FYB2: variants seen among roughly 807,000 people sequenced by gnomAD.
FYB2 encodes FYN-binding protein 2.
Under a neutral mutation model 94.1 loss-of-function variants are expected in FYB2, and 103 were observed. The ratio of observed to expected loss-of-function variants is 1.09; its 90% CI spans 0.93 to 1.29. FYB2 has a LOEUF of 1.29. Among genes scored for constraint, FYB2 ranks in the 50% most tolerant of loss-of-function variants. FYB2 has a pLI of 0.00. For synonymous variants in FYB2, 293 were observed against 287.9 expected, an observed-to-expected ratio of 1.02 and a Z score of -0.18; for missense variants, 896 against 841.5, an observed-to-expected ratio of 1.06 and a Z score of -0.80.
intron 5 of FYB2, among the ~76,000 whole-genome samples, chr1:56,758,967 C>T (rs1343473673): frequency 2.6e-5 from 4 of 151,996 alleles, no homozygotes; most frequent in Non-Finnish European, 2.9e-5. Context: ...AATTTACAGT[C>T]GATGAAGCAT....
upstream of FYB2, chr1:56,819,438 C>CAGATGGGG: frequency 1.7e-6 from 2 of 1,143,072 alleles, no homozygotes; most frequent in Non-Finnish European, 2.5e-6. Flanking sequence ...CCCACCTGCC[C>CAGATGGGG]CATCTGGGCC....
At chr1:56,737,272 T>C (rs1008167361) in intron 14 of FYB2, 125 bp from the exon 15 acceptor site, 4 of 597,488 alleles carry the variant, frequency 6.7e-6, no homozygotes, top group African/African-American at 1.9e-5. Context: ...TAGCAAAATC[T>C]GATCATAAAA....
At chr1:56,745,654 A>C (rs1645051289) in intron 9 of FYB2, among the ~76,000 whole-genome samples, 1 of 151,944 alleles carries the variant, frequency 6.6e-6, no homozygotes, top group Non-Finnish European at 1.5e-5. Context: ...GGTCTCCCCG[A>C]TTTATCTCAC....
At chr1:56,743,599 T>C (rs1448500210) in intron 11 of FYB2, among the ~76,000 whole-genome samples, 3 of 152,020 alleles carry the variant, frequency 2.0e-5, no homozygotes, top group African/African-American at 4.8e-5. Context: ...TCAGCATAAC[T>C]GGGTCTCAAA....
chr1:56,735,823 C>G (rs1385035987), intron 15 of FYB2, among the ~76,000 whole-genome samples: 2 of 152,114 alleles, frequency 1.3e-5, no homozygotes, highest in Admixed American at 1.3e-4. Context: ...GTCAATTAAG[C>G]TTCTTTCCTT....
At chr1:56,803,518 T>C (rs1298702596) in intron 1 of FYB2, among the ~76,000 whole-genome samples, 2 of 152,268 alleles carry the variant, frequency 1.3e-5, no homozygotes, top group African/African-American at 2.4e-5. Flanking sequence ...TTCTGCTACT[T>C]AGATTTTTGC....
chr1:56,792,856 C>T, intron 1 of FYB2, 53 bp from the exon 2 acceptor site: 4 of 1,509,424 alleles, frequency 2.7e-6, no homozygotes, highest in Non-Finnish European at 2.7e-6. Context: ...AAACAAACAA[C>T]AACAACAAAA....
chr1:56,728,437 AG>A (rs1329938529), intron 15 of FYB2, among the ~76,000 whole-genome samples: 1 of 152,154 alleles, frequency 6.6e-6, no homozygotes, highest in Non-Finnish European at 1.5e-5. Context: ...TGAAAGCCAC[AG>A]TCCCTACCTC....
At chr1:56,746,260 G>C (rs114212437) in intron 9 of FYB2, among the ~76,000 whole-genome samples, 2 of 151,886 alleles carry the variant, frequency 1.3e-5, no homozygotes, top group Admixed American at 1.3e-4. Context: ...TTTGAATTTC[G>C]AATGATTTGA....
chr1:56,792,919 AT>A, intron 1 of FYB2, 116 bp from the exon 2 acceptor site: 1 of 1,101,074 alleles, frequency 9.1e-7, no homozygotes, highest in Non-Finnish European at 1.3e-6. Flanking sequence ...GATCTCACTG[AT>A]CTCACCATGT....
chr1:56,821,462 G>A (rs1444383357), upstream of FYB2, among the ~76,000 whole-genome samples: 2 of 152,180 alleles, frequency 1.3e-5, no homozygotes, highest in African/African-American at 4.8e-5. Flanking sequence ...GATCCTCTAG[G>A]TGCTAAACTC....
upstream of FYB2, chr1:56,819,654 C>T: frequency 2.4e-6 from 1 of 420,824 alleles, no homozygotes; most frequent in Non-Finnish European, 4.4e-6. Context: ...GCCCAGGCAG[C>T]AGGAGCTGTG....
At chr1:56,759,398 C>G (rs1190705947) in intron 5 of FYB2, among the ~76,000 whole-genome samples, 1 of 152,108 alleles carries the variant, frequency 6.6e-6, no homozygotes, top group Non-Finnish European at 1.5e-5. Context: ...TAGCCTACTA[C>G]CTTCCTAGGA....
chr1:56,733,815 G>A (rs578227111), intron 15 of FYB2, among the ~76,000 whole-genome samples: 158 of 152,218 alleles, frequency 1.0e-3, no homozygotes, highest in Non-Finnish European at 1.3e-3. Context: ...CATTTGCTGA[G>A]GAGTGCTTTA....
At chr1:56,814,435 C>T (rs1215581865) in intron 1 of FYB2, among the ~76,000 whole-genome samples, 2 of 152,128 alleles carry the variant, frequency 1.3e-5, no homozygotes, top group African/African-American at 4.8e-5. Flanking sequence ...AAAGTAATGC[C>T]AGGCTAAATG....
chr1:56,748,159 T>G (rs1384794453), intron 9 of FYB2, among the ~76,000 whole-genome samples: 1 of 152,188 alleles, frequency 6.6e-6, no homozygotes, highest in Non-Finnish European at 1.5e-5. Context: ...CTTTGTCAGA[T>G]GGATAGATTC....
intron 2 of FYB2, among the ~76,000 whole-genome samples, chr1:56,791,702 T>A (rs1340815739): frequency 1.3e-5 from 2 of 152,182 alleles, no homozygotes; most frequent in African/African-American, 4.8e-5. Context: ...ATTAGGAGAA[T>A]AATTGTGTTG....
chr1:56,728,319 C>T (rs1292175651), intron 15 of FYB2, among the ~76,000 whole-genome samples: 6 of 152,006 alleles, frequency 3.9e-5, no homozygotes, highest in Admixed American at 2.0e-4. Context: ...AACAGTAATG[C>T]GTACCTATTC....
chr1:56,759,377 C>G (rs1431875076), intron 5 of FYB2, among the ~76,000 whole-genome samples: 1 of 152,072 alleles, frequency 6.6e-6, no homozygotes, highest in Non-Finnish European at 1.5e-5. Flanking sequence ...CTTATACAAA[C>G]CTAGACGGTA....
Sources: allele counts gnomAD v4.1 joint callset (sites outside exome capture counted in the v4.1 genomes callset), GRCh38; gene constraint gnomAD v4.1.1; transcripts MANE v1.5; gene names NCBI Gene and HGNC (gene_info 2026-07-23, HGNC 2026-07-21).